TRIO: variants seen among roughly 807,000 people sequenced by gnomAD.
The protein encoded by TRIO is triple functional domain protein.
Under a neutral mutation model 351.9 loss-of-function variants are expected in TRIO, and 58 were observed. That is an observed-to-expected ratio of 0.16 (90% CI 0.13 to 0.21). The LOEUF (loss-of-function observed/expected upper bound fraction) is 0.21. Among genes scored for constraint, TRIO ranks in the 10% least tolerant of loss-of-function variants. TRIO has a pLI of 1.00. For synonymous variants in TRIO, 1,758 were observed against 1,595.7 expected (o/e 1.10, Z -2.42); for missense variants, 3,201 against 4,027.8 (o/e 0.79, Z 5.56).
chr5:14,143,954 C>A (rs1457922679), intron 1 of TRIO, 72 bp downstream of exon 1: 3 of 1,000,224 alleles, frequency 3.0e-6, no homozygotes, highest in Non-Finnish European at 3.6e-6. Context: ...GCGGAGCTGC[C>A]GAGCTCCGGC....
At chr5:14,385,555 TTA>T (rs1458914030) in intron 21 of TRIO, among the ~76,000 whole-genome samples, 2 of 152,210 alleles carry the variant, frequency 1.3e-5, no homozygotes, top group Non-Finnish European at 2.9e-5. Context: ...AGAAAAATAC[TTA>T]TATACATTTG....
intron 23 of TRIO, 29 bp from the exon 24 acceptor site, chr5:14,388,584 G>A: frequency 3.7e-6 from 6 of 1,602,268 alleles, no homozygotes; most frequent in South Asian, 1.1e-5. Flanking sequence ...CACCCTGACT[G>A]TACTCCTCAC....
At chr5:14,307,244 C>T (rs1270298406) in intron 8 of TRIO, among the ~76,000 whole-genome samples, 14 of 152,138 alleles carry the variant, frequency 9.2e-5, no homozygotes, top group Admixed American at 9.2e-4. Context: ...AGCAAAGCAC[C>T]ATTGATACAA....
At chr5:14,261,873 A>G (rs1795367022) in intron 1 of TRIO, among the ~76,000 whole-genome samples, 1 of 152,236 alleles carries the variant, frequency 6.6e-6, no homozygotes, top group Non-Finnish European at 1.5e-5. Flanking sequence ...GATTGATTAT[A>G]TGTAAATGTG....
chr5:14,176,469 C>CA (rs565104346), intron 1 of TRIO, among the ~76,000 whole-genome samples: 171 of 147,374 alleles, frequency 1.2e-3, no homozygotes, highest in Middle Eastern at 7.1e-3. Context: ...GACTCTGTCT[C>CA]AAAAAAAAAA....
chr5:14,488,122 C>G lies in TRIO; in HGVS notation c.7494C>G (p.Gly2498=). The G allele has an allele frequency of 6.2e-7, 1 of 1,609,584 alleles. No homozygotes were observed. The highest frequency in any genetic ancestry group is 1.1e-5 in the South Asian group (1 of 90,986). ...SIPASPASRP[G]SFTFPGDSDS... ...CCGCCTCCCCCGCCAGCCGACCCGG[C>G]TCCTTCACCTTCCCGGGGGACAGCG... is the stretch of plus-strand genomic sequence containing the variant. The change falls in exon 48 of 57, where the codon GGC becomes GGG. Residue 2498 remains glycine, a synonymous_variant. Coordinates refer to ENST00000344204, the MANE Select transcript of TRIO (RefSeq NM_007118.4).
chr5:14,388,617 A>G lies in TRIO; in HGVS notation c.3886A>G (p.Ile1296Val). 1 of 1,613,832 alleles carries G rather than the reference A, an allele frequency of 6.2e-7. No homozygotes were observed. The highest frequency in any genetic ancestry group is 8.5e-7 in the Non-Finnish European group (1 of 1,179,958). Residue 1296 changes from isoleucine to valine, a missense_variant, in exon 24 of 57, where the codon ATA becomes GTA. Around this residue, in one of 19 missense-constraint regions of TRIO, gnomAD observed 201 missense variants for 266.5 expected, o/e 0.75. Transcript: ENST00000344204. ...KRKSARRKEF[I>V]MAELIQTEKA... ...CACTGTCTTCCTCTCTTTAAGGTTC[A>G]TAATGGCTGAGCTCATTCAAACTGA...
intron 54 of TRIO, among the ~76,000 whole-genome samples, chr5:14,502,982 T>A (rs116235225): frequency 2.8e-4 from 43 of 152,354 alleles, no homozygotes; most frequent in African/African-American, 1.0e-3. Flanking sequence ...ACGCTTCTTG[T>A]AGTTCTTAAT....
At chr5:14,235,564 A>G (rs1422785166) in intron 1 of TRIO, among the ~76,000 whole-genome samples, 2 of 152,182 alleles carry the variant, frequency 1.3e-5, no homozygotes, top group Admixed American at 6.5e-5. Context: ...GCAAAGGTCT[A>G]TATAAAATGT....
Position 14,143,647 on chromosome 5 carries a change from G to A in TRIO, c.-79G>A, listed in dbSNP as rs1006399188. ...GCAGCTGGGTGCTCGGCGCCGCCAG[G>A]CCCGGCGCGGAGCGGGCGGCACGCG... On this transcript the variant is annotated 5_prime_UTR_variant, in exon 1 of 57. Coordinates refer to ENST00000344204, the MANE Select transcript of TRIO (RefSeq NM_007118.4). 4.5e-6 allele frequency: 3 copies of A among 672,364 alleles called. No individual in the cohort carries two copies. Among genetic ancestry groups the A allele is most frequent in the South Asian group, 1.3e-4 (2 of 15,250 alleles). 41.6% of individuals were successfully genotyped at this position (672,364 alleles called of 1,614,324 possible).
At position 14,290,888 on chromosome 5, in the gene TRIO, A is replaced by C. The variant is rs1162520614; in HGVS notation, c.713A>C (p.Gln238Pro). Residue 238 changes from glutamine (Q) to proline (P), a missense_variant, in exon 5 of 57, where the codon CAG becomes CCG. Coordinates refer to ENST00000344204, the MANE Select transcript of TRIO (RefSeq NM_007118.4). ...ATGCTGTCTCGGCTGGAGGAACTTC[A>C]GGACATCCTAGCTAAGAAGGAGCTG... ...THMLSRLEEL[Q>P]DILAKKELPQ... 2 of 1,614,192 alleles carry C rather than the reference A, an allele frequency of 1.2e-6. No individual in the cohort carries two copies. Among genetic ancestry groups the C allele is most frequent in the Admixed American group, 3.3e-5 (2 of 60,024 alleles).
At chr5:14,285,688 A>C (rs573928745) in intron 3 of TRIO, among the ~76,000 whole-genome samples, 3 of 152,276 alleles carry the variant, frequency 2.0e-5, no homozygotes, top group African/African-American at 7.2e-5. Context: ...TTGGGGGGAT[A>C]ATTATCCAAA....
At chr5:14,374,939 A>T (rs753165514) in intron 19 of TRIO, among the ~76,000 whole-genome samples, 1 of 152,160 alleles carries the variant, frequency 6.6e-6, no homozygotes, top group Non-Finnish European at 1.5e-5. Flanking sequence ...GGATAAAGAA[A>T]CTAAGGCACA....
At chr5:14,241,282 A>G (rs577555544) in intron 1 of TRIO, among the ~76,000 whole-genome samples, 5 of 152,216 alleles carry the variant, frequency 3.3e-5, no homozygotes, top group African/African-American at 9.6e-5. Flanking sequence ...TATGAGTATC[A>G]TGAATCTGCC....
In TRIO at chr5:14,487,500, G is replaced by A. The variant is rs1756016502; in HGVS notation, c.6872G>A (p.Ser2291Asn). 2.7e-5 allele frequency: 29 copies of A among 1,089,946 alleles called. No homozygotes were observed. Among genetic ancestry groups the A allele is most frequent in the Non-Finnish European group, 3.3e-5 (29 of 881,266 alleles). 67.5% of individuals were successfully genotyped at this position (1,089,946 alleles called of 1,614,324 possible). The change falls in exon 48 of 57, where the codon AGC becomes AAC. Residue 2291 changes from serine to asparagine, a missense_variant. Around this residue, in one of 19 missense-constraint regions of TRIO, gnomAD observed 1,089 missense variants for 954.9 expected, o/e 1.14. Coordinates refer to ENST00000344204, the MANE Select transcript of TRIO (RefSeq NM_007118.4). ...TSPIEYQRNH[S>N]GGGGGGGSGG... ...CCAATCGAGTACCAGAGGAACCACA[G>A]CGGGGGCGGCGGCGGCGGCGGCAGC...
intron 1 of TRIO, among the ~76,000 whole-genome samples, chr5:14,205,163 G>C (rs1255858042): frequency 6.6e-6 from 1 of 152,214 alleles, no homozygotes; most frequent in African/African-American, 2.4e-5. Flanking sequence ...ACAGAACATC[G>C]TTGTGTAACT....
At chr5:14,488,344 A>G in intron 48 of TRIO, 84 bp downstream of exon 48, 1 of 1,481,868 alleles carries the variant, frequency 6.7e-7, no homozygotes, top group Non-Finnish European at 9.0e-7. Flanking sequence ...TGTTCTCACT[A>G]ACTCGGCTGC....
At chr5:14,440,488 C>T (rs1221805949) in intron 34 of TRIO, among the ~76,000 whole-genome samples, 1 of 152,238 alleles carries the variant, frequency 6.6e-6, no homozygotes, top group South Asian at 2.1e-4. Flanking sequence ...AATGTTTCTC[C>T]GCTAAGGAAA....
chr5:14,394,703 T>C (rs764492789), intron 28 of TRIO, among the ~76,000 whole-genome samples: 1 of 152,216 alleles, frequency 6.6e-6, no homozygotes, highest in African/African-American at 2.4e-5. Context: ...CCGCAAGTAT[T>C]GGAGTCAGGC....
Sources: gnomAD v4.1 joint callset for allele counts (sites outside exome capture counted in the v4.1 genomes callset) on GRCh38, gnomAD v4.1.1 for gene constraint, gnomAD v4.1.1 regional missense constraint, MANE v1.5 for transcripts, NCBI Gene and HGNC (gene_info 2026-07-23, HGNC 2026-07-21) for gene names.